Variants in ALLC observed in about 807,000 individuals in gnomAD.
ALLC encodes the protein probable inactive allantoicase.
Under a neutral mutation model 45.0 loss-of-function variants are expected in ALLC, and 40 were observed. The observed-to-expected ratio is 0.89, with a 90% CI of 0.69 to 1.16. The LOEUF is 1.16. ALLC is among the 50% of genes most tolerant of loss of function. The pLI, the probability that ALLC is intolerant of heterozygous loss-of-function variation, is 0.00. For synonymous variants in ALLC, 176 were observed against 178.1 expected, an observed-to-expected ratio of 0.99 and a Z score of 0.09; for missense variants, 488 against 493.1, an observed-to-expected ratio of 0.99 and a Z score of 0.10.
chr2:3,683,044 T>C lies in ALLC; in HGVS notation c.481T>C (p.Trp161Arg). ...TTTTCTTGTCAATTCCCAGCAGAGA[T>C]GGACTCATATCAGACTCAACATTTT... ...NYFLVNSQQR[W>R]THIRLNIFPD... Residue 161 changes from tryptophan to arginine, a missense_variant, in exon 7 of 12, where the codon TGG becomes CGG. Coordinates refer to ENST00000252505, the MANE Select transcript of ALLC (RefSeq NM_018436.4). The C allele has an allele frequency of 1.2e-6, 2 of 1,613,990 alleles. No homozygotes were observed. Among genetic ancestry groups the C allele is most frequent in the East Asian group, 4.5e-5 (2 of 44,882 alleles).
intron 10 of ALLC, among the ~76,000 whole-genome samples, chr2:3,699,251 AGT>A (rs1245687874): frequency 2.0e-5 from 3 of 152,174 alleles, no homozygotes; most frequent in African/African-American, 7.2e-5. Flanking sequence ...GTAAACATAT[AGT>A]ATTTGGTTTT....
intron 3 of ALLC, among the ~76,000 whole-genome samples, chr2:3,678,025 T>A (rs1667071050): frequency 6.6e-6 from 1 of 152,038 alleles, no homozygotes; most frequent in South Asian, 2.1e-4. Flanking sequence ...GGTTGCAGAG[T>A]GTGCTGTGTG....
rs1164259043 is a variant in ALLC at position 3,673,672 on chromosome 2, G to T, written c.34-403G>T. 2.6e-5 allele frequency among the ~76,000 whole-genome samples: 4 copies of T among 152,258 alleles called. No individual in the cohort carries two copies. The East Asian group carries it at 7.7e-4, about 29-fold the overall frequency. On this transcript the variant is annotated intron_variant, in intron 2 of 11. Coordinates refer to ENST00000252505, the MANE Select transcript of ALLC (RefSeq NM_018436.4). The stretch of plus-strand genomic sequence containing the variant: ...GACCAGGACAGCCCACCTGCAGGGT[G>T]ACCTATGGCGGCCCTTGTGGGTGAA...
chr2:3,665,395 C>T (rs1387280835), intron 1 of ALLC, among the ~76,000 whole-genome samples: 5 of 152,026 alleles, frequency 3.3e-5, no homozygotes, highest in East Asian at 3.9e-4. Flanking sequence ...TGGTGGTTTG[C>T]GGCACAGATC....
upstream of ALLC, among the ~76,000 whole-genome samples, chr2:3,656,203 G>T (rs1379011411): frequency 3.9e-5 from 6 of 152,238 alleles, no homozygotes; most frequent in Non-Finnish European, 8.8e-5. Context: ...AGGGAGGCCG[G>T]GGATGGCGGC....
intron 8 of ALLC, 24 bp downstream of exon 8, chr2:3,695,896 G>T: frequency 6.3e-7 from 1 of 1,580,766 alleles, no homozygotes; most frequent in Non-Finnish European, 8.6e-7. Flanking sequence ...CTTGGAGCTG[G>T]CTTATTTAGG....
chr2:3,674,045 TTATC>T (rs1324732765), intron 2 of ALLC, 26 bp from the exon 3 acceptor site: 8 of 1,462,798 alleles, frequency 5.5e-6, no homozygotes, highest in Non-Finnish European at 7.4e-6. Flanking sequence ...TATGGTTGCT[TTATC>T]TTTCTTTCTT....
intron 11 of ALLC, 137 bp downstream of exon 11, chr2:3,701,773 T>C (rs1558551573): frequency 2.6e-5 from 28 of 1,086,588 alleles, no homozygotes; most frequent in Non-Finnish European, 3.3e-5. Flanking sequence ...AACCCCTATC[T>C]GCAAACTTTA....
At chr2:3,665,193 A>G (rs2147993514) in intron 1 of ALLC, among the ~76,000 whole-genome samples, 1 of 152,256 alleles carries the variant, frequency 6.6e-6, no homozygotes, top group East Asian at 1.9e-4. Flanking sequence ...TGGCATCGCT[A>G]CACTGACTAA....
chr2:3,696,208 C>G, intron 8 of ALLC, 67 bp from the exon 9 acceptor site: 1 of 1,269,268 alleles, frequency 7.9e-7, no homozygotes, highest in East Asian at 2.3e-5. Context: ...AATTTAATTA[C>G]AGCAATGTAT....
chr2:3,702,138 AG>A (rs1419332825), intron 11 of ALLC, among the ~76,000 whole-genome samples: 1 of 152,168 alleles, frequency 6.6e-6, no homozygotes, highest in Non-Finnish European at 1.5e-5. Flanking sequence ...ATGGGCATTT[AG>A]GTTGCCCATC....
At position 3,702,479 on chromosome 2, in the gene ALLC, G is replaced by A. The variant is rs755428144; in HGVS notation, c.1092G>A (p.Arg364=). 2 of 1,612,112 alleles carry A rather than the reference G, an allele frequency of 1.2e-6. No individual in the cohort carries two copies. Among genetic ancestry groups the A allele is most frequent in the Admixed American group, 1.7e-5 (1 of 59,894 alleles). The change falls in exon 12 of 12, where the codon CGG becomes CGA. Residue 364 remains arginine, a synonymous_variant. Coordinates refer to ENST00000252505, the MANE Select transcript of ALLC (RefSeq NM_018436.4). The stretch of plus-strand genomic sequence containing the variant: ...GGGGAGTGAGCCGCCTTCGGCTCCG[G>A]GGCTTCCCCAGCTCCATCTGCCTCC... ...PDGGVSRLRL[R]GFPSSICLLR...
At chr2:3,684,829 T>G (rs181315372) in intron 7 of ALLC, among the ~76,000 whole-genome samples, 93 of 152,258 alleles carry the variant, frequency 6.1e-4, no homozygotes, top group Non-Finnish European at 1.1e-3. Flanking sequence ...AGTAGGTATA[T>G]ATATATTTAT....
At chr2:3,691,249 C>A (rs1667509934) in intron 7 of ALLC, among the ~76,000 whole-genome samples, 1 of 150,740 alleles carries the variant, frequency 6.6e-6, no homozygotes, top group South Asian at 2.1e-4. Flanking sequence ...TATTTTTATC[C>A]TTGACTTTTT....
In ALLC at chr2:3,669,432, C is replaced by A. The variant is rs550069489; in HGVS notation, c.-62-1664C>A. ...GCGGTTGCAGTGAGCTGAGATCATG[C>A]CGCTGCACTCCAGCCTGGGTAACAG... is the stretch of plus-strand genomic sequence containing the variant. On this transcript the variant is annotated intron_variant, in intron 1 of 11. Transcript: ENST00000252505. Among the ~76,000 whole-genome samples, 14 of 152,136 alleles carry A rather than the reference C, an allele frequency of 9.2e-5. No individual in the cohort carries two copies. In the South Asian group the frequency reaches 1.9e-3, roughly 20 times the overall value.
At chr2:3,698,516 T>A (rs949240101) in intron 10 of ALLC, among the ~76,000 whole-genome samples, 8 of 152,366 alleles carry the variant, frequency 5.3e-5, no homozygotes, top group Admixed American at 5.2e-4. Flanking sequence ...GGTTTACACA[T>A]TTTTAAAACC....
chr2:3,679,823 C>T (rs1219323740), intron 4 of ALLC, 46 bp from the exon 5 acceptor site: 3 of 1,608,090 alleles, frequency 1.9e-6, no homozygotes, highest in Non-Finnish European at 2.6e-6. Context: ...GCAGCATCTG[C>T]TGTGTTGGCC....
At position 3,680,721 on chromosome 2, in the gene ALLC, C is replaced by A. The variant is rs1213546248; in HGVS notation, c.298+727C>A. Among the ~76,000 whole-genome samples, 1 of 152,022 alleles carries A rather than the reference C, an allele frequency of 6.6e-6. No homozygotes were observed. The highest frequency in any genetic ancestry group is 1.5e-5 in the Non-Finnish European group (1 of 68,006). On this transcript the variant is annotated intron_variant, in intron 5 of 11. Coordinates refer to ENST00000252505, the MANE Select transcript of ALLC (RefSeq NM_018436.4). The surrounding 1 kb of genome is among the most constrained non-coding windows in gnomAD (Gnocchi z 4.0). ...ATGCTGTAGGGAAAGGGTCTGCGTG[C>A]TCCAGCGGGACAACTGAAGGCAGCC...
At chr2:3,657,237 T>A, upstream of ALLC, among the ~76,000 whole-genome samples, 1 of 151,586 alleles carries the variant, frequency 6.6e-6, no homozygotes, top group South Asian at 2.1e-4. Context: ...CGGGCTGGGG[T>A]TGGGGGTGGG....
Sources: allele counts gnomAD v4.1 joint callset (sites outside exome capture counted in the v4.1 genomes callset), GRCh38; gene constraint gnomAD v4.1.1; non-coding constraint Gnocchi (gnomAD v3.1); transcripts MANE v1.5; gene names NCBI Gene and HGNC (gene_info 2026-07-23, HGNC 2026-07-21).